AFDN: variants seen among roughly 807,000 people sequenced by gnomAD.
AFDN encodes afadin, adherens junction formation factor, also known as afadin.
AFDN carries 68 observed loss-of-function variants against 216.6 expected under a neutral mutation model. That is an observed-to-expected ratio of 0.31 (90% CI 0.26 to 0.38). The LOEUF (loss-of-function observed/expected upper bound fraction) is 0.38. Ranked by LOEUF, AFDN falls within the 10% of genes least tolerant of loss-of-function variation. The pLI is 1.00. For synonymous variants in AFDN, 868 were observed against 853.7 expected (o/e 1.02, Z -0.29); for missense variants, 2,136 against 2,342.0 (o/e 0.91, Z 1.82).
At chr6:167,949,004 A>AG (rs1342629815) in intron 29 of AFDN, among the ~76,000 whole-genome samples, 1 of 152,212 alleles carries the variant, frequency 6.6e-6, no homozygotes, top group East Asian at 1.9e-4. Flanking sequence ...AACCCTGGGT[A>AG]GAGGGGAAAG....
At chr6:167,852,943 C>T (rs752352772) in intron 1 of AFDN, among the ~76,000 whole-genome samples, 6 of 152,186 alleles carry the variant, frequency 3.9e-5, no homozygotes, top group Non-Finnish European at 8.8e-5. Flanking sequence ...TGTTTTCCAG[C>T]ATAACAAGAT....
chr6:167,952,983 A>T (rs1400609750), intron 30 of AFDN, among the ~76,000 whole-genome samples: 2 of 152,244 alleles, frequency 1.3e-5, no homozygotes, highest in Non-Finnish European at 2.9e-5. Flanking sequence ...GTGATGCAGA[A>T]ATTTTAGATA....
rs1797973864 is a variant in AFDN, at chr6:167,970,831, T to A, written c.*896T>A. On this transcript the variant is annotated 3_prime_UTR_variant, in exon 34 of 34. Transcript: ENST00000683244. ...GAATGACAGAAGAATGGGAGATGAG[T>A]AGGGACCCCTCAAGCACAGCTGTCA... 1 of 218,704 alleles carries A rather than the reference T, an allele frequency of 4.6e-6. No homozygotes were observed. The highest frequency in any genetic ancestry group is 9.2e-6 in the Non-Finnish European group (1 of 109,110). The allele number at this position is 218,704 out of a possible 1,614,324, so 13.5% of individuals were successfully genotyped here. A position where few individuals can be genotyped will look rare whatever the true frequency, so the allele number is the denominator to read the frequency against.
Position 167,951,672 on chromosome 6 carries a change from A to C in AFDN, c.4318A>C (p.Lys1440Gln). ...KARLEEERER[K>Q]RREQERKLGQ... ...CCGCCTGGAGGAGGAGCGGGAGAGG[A>C]AGCGGAGAGAGCAGGAGAGGAAGTT... is the stretch of plus-strand genomic sequence containing the variant. Residue 1440 changes from lysine to glutamine, a missense_variant, in exon 30 of 34, where the codon AAG becomes CAG. Transcript: ENST00000683244. The surrounding 1 kb of genome is among the most constrained non-coding windows in gnomAD (Gnocchi z 7.1). 5 of 1,613,938 alleles carry C rather than the reference A, an allele frequency of 3.1e-6. No individual in the cohort carries two copies. The highest frequency in any genetic ancestry group is 4.2e-6 in the Non-Finnish European group (5 of 1,179,934).
Position 167,827,088 on chromosome 6 carries a change from C to T in AFDN, c.-45C>T, listed in dbSNP as rs987994563. ...CGCGGACCTGTCGTCCTCGGCCCGTCCTCCGGCCCCGGCCCCGCGCGGCTG... is the reference window on the plus strand; with the variant it reads ...CGCGGACCTGTCGTCCTCGGCCCGTTCTCCGGCCCCGGCCCCGCGCGGCTG... On this transcript the variant is annotated 5_prime_UTR_variant, in exon 1 of 34. Transcript: ENST00000683244. 70 of 1,092,406 alleles carry T rather than the reference C, an allele frequency of 6.4e-5. No individual in the cohort carries two copies. Among genetic ancestry groups the T allele is most frequent in the Middle Eastern group, 3.6e-4 (1 of 2,746 alleles). The allele number at this position is 1,092,406 out of a possible 1,614,324, so 67.7% of individuals were successfully genotyped here.
chr6:167,955,960 C>T (rs946800286), intron 30 of AFDN, among the ~76,000 whole-genome samples: 2 of 151,604 alleles, frequency 1.3e-5, no homozygotes, highest in Admixed American at 1.3e-4. Flanking sequence ...ACTAAAAATA[C>T]AAAAATTAGC....
At chr6:167,846,918 GT>G (rs1170207140) in intron 1 of AFDN, among the ~76,000 whole-genome samples, 2 of 151,892 alleles carry the variant, frequency 1.3e-5, no homozygotes, top group African/African-American at 4.8e-5. Context: ...TTGTATTATT[GT>G]TTTGCCAGTT....
At position 167,915,258 on chromosome 6, in the gene AFDN, T is replaced by A. The variant is rs929895200; in HGVS notation, c.2390T>A (p.Leu797His). ...CTGACCATCCAGCTCTTCTCTCAGC[T>A]CTTCCACTTCATCAATATGTGGCTG... ...AALTIQLFSQLFHFINMWLFN... is the reference protein window; with the variant it reads ...AALTIQLFSQHFHFINMWLFN... The change falls in exon 19 of 34, where the codon CTC (leucine) becomes CAC (histidine). Residue 797 changes from leucine to histidine, a missense_variant. Around this residue, in one of 8 missense-constraint regions of AFDN, gnomAD observed 817 missense variants for 965.7 expected, o/e 0.85. Transcript: ENST00000683244. 2 of 1,614,244 alleles carry A rather than the reference T, an allele frequency of 1.2e-6. No individual in the cohort carries two copies. The highest frequency in any genetic ancestry group is 1.7e-6 in the Non-Finnish European group (2 of 1,180,038).
chr6:167,889,269 A>T lies in AFDN; in HGVS notation c.952A>T (p.Ile318Phe). 6.2e-7 allele frequency: 1 copy of T among 1,614,096 alleles called. No individual in the cohort carries two copies. Among genetic ancestry groups the T allele is most frequent in the South Asian group, 1.1e-5 (1 of 91,078 alleles). ...TGATGAAAAGGGTGCTAAAGAAATTATTCTTGATGATGATGAGTGTCCTTT... is the reference window on the plus strand; with the variant it reads ...TGATGAAAAGGGTGCTAAAGAAATTTTTCTTGATGATGATGAGTGTCCTTT... ...HSDEKGAKEI[I>F]LDDDECPLQI... The change falls in exon 7 of 34, where the codon ATT becomes TTT. Residue 318 changes from isoleucine (I) to phenylalanine (F), a missense_variant. By Grantham distance (21) the Ile-to-Phe change is conservative (BLOSUM62 0). Coordinates refer to ENST00000683244, the MANE Select transcript of AFDN (RefSeq NM_001386888.1).
Position 167,898,288 on chromosome 6 carries a change from C to G in AFDN, c.1401C>G (p.Asp467Glu). The G allele has an allele frequency of 6.2e-7, 1 of 1,614,084 alleles. No individual in the cohort carries two copies. Residue 467 changes from aspartate (D) to glutamate (E), a missense_variant, in exon 11 of 34, where the codon GAC (aspartate) becomes GAG (glutamate). This residue lies in a region of AFDN where 817 missense variants were observed against 965.7 expected (regional missense o/e 0.85). Transcript: ENST00000683244. ...GVVTVTPRSMDAETYVEGQRI... is the reference protein window; with the variant it reads ...GVVTVTPRSMEAETYVEGQRI... ...TCACTGTGACGCCCAGAAGTATGGA[C>G]GCAGAAACCTACGTGGAAGGCCAGC...
Position 167,872,331 on chromosome 6 carries a change from C to T in AFDN, c.532C>T (p.Arg178Ter). The change falls in exon 4 of 34, where the codon CGA becomes TGA. Residue 178 changes from arginine to a stop codon, truncating the protein, a stop_gained. Coordinates refer to ENST00000683244, the MANE Select transcript of AFDN (RefSeq NM_001386888.1). LOFTEE classifies it high-confidence loss of function. Reference sequence around the variant, plus strand: ...AAAGAAGAGAGAAAAAGAGGCATTGCGACAGGCATCTGATAAAGATGATAG... The same window carrying T: ...AAAGAAGAGAGAAAAAGAGGCATTGTGACAGGCATCTGATAAAGATGATAG... The part of the protein sequence containing the change: ...EKKKREKEAL[R>*]QASDKDDRPF... The T allele has an allele frequency of 6.2e-7, 1 of 1,613,750 alleles. No homozygotes were observed. The highest frequency in any genetic ancestry group is 8.5e-7 in the Non-Finnish European group (1 of 1,179,880).
intron 23 of AFDN, among the ~76,000 whole-genome samples, chr6:167,927,891 T>C (rs1318575681): frequency 6.6e-6 from 1 of 152,146 alleles, no homozygotes; most frequent in Non-Finnish European, 1.5e-5. Flanking sequence ...ACCGACTGAG[T>C]CAATGCCCAT....
At chr6:167,838,848 G>A (rs1780738248) in intron 1 of AFDN, among the ~76,000 whole-genome samples, 1 of 152,096 alleles carries the variant, frequency 6.6e-6, no homozygotes, top group Admixed American at 6.5e-5. Context: ...TTGATTTTAA[G>A]AACCACATAT....
chr6:167,888,005 T>TA (rs1787080514), intron 6 of AFDN, among the ~76,000 whole-genome samples: 2 of 152,166 alleles, frequency 1.3e-5, no homozygotes, highest in South Asian at 4.1e-4. Context: ...GAGTGGATGT[T>TA]ATTAGACATG....
intron 12 of AFDN, among the ~76,000 whole-genome samples, chr6:167,905,037 T>C (rs1215697613): frequency 6.6e-6 from 1 of 152,098 alleles, no homozygotes. Flanking sequence ...GCCTCTTTCC[T>C]CCCATTGGAA....
chr6:167,942,358 C>T (rs1003573840), intron 23 of AFDN, among the ~76,000 whole-genome samples: 3 of 152,202 alleles, frequency 2.0e-5, no homozygotes, highest in African/African-American at 7.2e-5. Context: ...TGTCTTCAAT[C>T]GTTGTGACCT....
chr6:167,935,795 G>C (rs1206745421), intron 23 of AFDN, among the ~76,000 whole-genome samples: 1 of 142,812 alleles, frequency 7.0e-6, no homozygotes, highest in South Asian at 2.2e-4. Flanking sequence ...TTTTTCTTTT[G>C]GTTGGAAATC....
chr6:167,827,102 C>T lies in AFDN; in HGVS notation c.-31C>T, dbSNP rs939356582. 1.7e-6 allele frequency: 2 copies of T among 1,193,270 alleles called. No individual in the cohort carries two copies. The highest frequency in any genetic ancestry group is 1.1e-6 in the Non-Finnish European group (1 of 929,904). The allele number at this position is 1,193,270 out of a possible 1,614,324, so 73.9% of individuals were successfully genotyped here. A position where few individuals can be genotyped will look rare whatever the true frequency, so the allele number is the denominator to read the frequency against. ...CCTCGGCCCGTCCTCCGGCCCCGGC[C>T]CCGCGCGGCTGAGGAGGCGCGGCCA... On this transcript the variant is annotated 5_prime_UTR_variant, in exon 1 of 34. Transcript: ENST00000683244.
chr6:167,891,644 TGAGTA>T (rs1288234038), intron 8 of AFDN, among the ~76,000 whole-genome samples: 2 of 152,156 alleles, frequency 1.3e-5, no homozygotes, highest in Non-Finnish European at 2.9e-5. Flanking sequence ...GGTTAGCCAT[TGAGTA>T]GAGAAATACG....
Sources: gnomAD v4.1 joint callset for allele counts (sites outside exome capture counted in the v4.1 genomes callset) on GRCh38, gnomAD v4.1.1 for gene constraint, gnomAD v4.1.1 regional missense constraint, Gnocchi (gnomAD v3.1) non-coding constraint, MANE v1.5 for transcripts, NCBI Gene and HGNC (gene_info 2026-07-23, HGNC 2026-07-21) for gene names.